Variants in THEMIS observed in about 807,000 individuals in gnomAD.
THEMIS encodes the protein thymocyte selection associated.
Under a neutral mutation model 52.6 loss-of-function variants are expected in THEMIS, and 37 were observed. That is an observed-to-expected ratio of 0.70 (90% CI 0.54 to 0.93). THEMIS has a LOEUF of 0.93. Among genes scored for constraint, THEMIS ranks in the 40% least tolerant of loss-of-function variants. The probability of loss-of-function intolerance (pLI) is 0.00; values close to 1 mark genes in which losing one functional copy is unlikely to be tolerated. For missense variants in THEMIS, 808 were observed against 763.1 expected (o/e 1.06, Z -0.69); for synonymous variants, 292 against 272.7 (o/e 1.07, Z -0.70).
At chr6:127,794,756 A>C (rs1461506551) in intron 4 of THEMIS, among the ~76,000 whole-genome samples, 4 of 152,166 alleles carry the variant, frequency 2.6e-5, no homozygotes, top group Non-Finnish European at 4.4e-5. Context: ...ATATTCTTTC[A>C]AAAATTATTC....
intron 4 of THEMIS, among the ~76,000 whole-genome samples, chr6:127,737,402 C>T (rs567664443): frequency 2.0e-5 from 3 of 152,150 alleles, no homozygotes; most frequent in Non-Finnish European, 4.4e-5. Context: ...TCTTGATGCT[C>T]AGGACTCCAA....
chr6:127,699,632 C>T, the THEMIS span, among the ~76,000 whole-genome samples: 1 of 151,472 alleles, frequency 6.6e-6, no homozygotes, highest in Non-Finnish European at 1.5e-5. Flanking sequence ...CCGAACTGTA[C>T]ATGATTAATT....
intron 3 of THEMIS, among the ~76,000 whole-genome samples, chr6:127,823,201 A>G (rs984415865): frequency 6.6e-6 from 1 of 152,122 alleles, no homozygotes; most frequent in Admixed American, 6.5e-5. Context: ...ACTGCAGCCT[A>G]AAGGAACAAA....
chr6:127,837,455 C>T (rs1004111186), intron 2 of THEMIS, among the ~76,000 whole-genome samples: 5 of 151,976 alleles, frequency 3.3e-5, no homozygotes, highest in African/African-American at 9.7e-5. Flanking sequence ...TTTATTTGAT[C>T]CTCTGAAGAA....
At chr6:127,722,019 A>G (rs1039616868) in intron 4 of THEMIS, among the ~76,000 whole-genome samples, 2 of 152,070 alleles carry the variant, frequency 1.3e-5, no homozygotes, top group Admixed American at 6.6e-5. Flanking sequence ...TGTTGTGAAA[A>G]CCTGAGAGAG....
intron 4 of THEMIS, among the ~76,000 whole-genome samples, chr6:127,731,363 A>T (rs1294393323): frequency 6.6e-6 from 1 of 152,174 alleles, no homozygotes; most frequent in Non-Finnish European, 1.5e-5. Flanking sequence ...ATAATCACGT[A>T]AATATAATAA....
At chr6:127,879,954 T>TC (rs1780429903) in intron 1 of THEMIS, among the ~76,000 whole-genome samples, 1 of 152,032 alleles carries the variant, frequency 6.6e-6, no homozygotes, top group Non-Finnish European at 1.5e-5. Flanking sequence ...CCCAGACTCC[T>TC]CCCCCGGGTG....
At chr6:127,792,000 C>A (rs1407024607) in intron 4 of THEMIS, among the ~76,000 whole-genome samples, 1 of 152,156 alleles carries the variant, frequency 6.6e-6, no homozygotes, top group Non-Finnish European at 1.5e-5. Context: ...ATGCCTGAGT[C>A]CACAGCTGGC....
At chr6:127,842,873 T>C (rs1779095938) in intron 2 of THEMIS, among the ~76,000 whole-genome samples, 1 of 151,936 alleles carries the variant, frequency 6.6e-6, no homozygotes, top group South Asian at 2.1e-4. Flanking sequence ...AAAGACAACC[T>C]CTGAGACATG....
At chr6:127,792,181 C>T (rs1459568215) in intron 4 of THEMIS, among the ~76,000 whole-genome samples, 2 of 152,166 alleles carry the variant, frequency 1.3e-5, no homozygotes, top group African/African-American at 4.8e-5. Flanking sequence ...GGTGGGCCGC[C>T]GCTGCCATCA....
chr6:127,775,675 C>CA (rs909338458), intron 4 of THEMIS, among the ~76,000 whole-genome samples: 8 of 151,000 alleles, frequency 5.3e-5, no homozygotes, highest in South Asian at 2.1e-4. Flanking sequence ...CCACCCCTGG[C>CA]AAAAAACGAT....
chr6:127,892,598 G>A (rs1350018835), intron 1 of THEMIS, among the ~76,000 whole-genome samples: 3 of 152,002 alleles, frequency 2.0e-5, no homozygotes, highest in Admixed American at 6.6e-5. Context: ...TTCTAGGCTC[G>A]CTTAACATTT....
chr6:127,702,968 C>A, the THEMIS span, among the ~76,000 whole-genome samples: 117 of 147,626 alleles, frequency 7.9e-4, 2 homozygotes, highest in African/African-American at 2.9e-3. Context: ...ACAGCCAAAC[C>A]ATATTTATCA....
intron 3 of THEMIS, among the ~76,000 whole-genome samples, chr6:127,821,094 GATTTAT>G (rs1418326289): frequency 9.2e-5 from 14 of 151,466 alleles, no homozygotes; most frequent in Non-Finnish European, 1.8e-4. Flanking sequence ...ATCTTTTATA[GATTTAT>G]AAAATTTTAG....
chr6:127,911,144 A>G lies in THEMIS; in HGVS notation c.-150+7284T>C, dbSNP rs1179356263. Among the ~76,000 whole-genome samples, 5 of 151,308 alleles carry G rather than the reference A, an allele frequency of 3.3e-5. No individual in the cohort carries two copies. The East Asian group carries it at 9.6e-4, about 29-fold the overall frequency. The stretch of plus-strand genomic sequence containing the variant: ...ACATAATCTATCACTGATAATGTTA[A>G]CTTTATCTGACTAAGGTAGTGTTTG... On this transcript the variant is annotated intron_variant, in intron 1 of 6. Transcript: ENST00000368250.
At chr6:127,847,584 C>T (rs941568785) in intron 2 of THEMIS, among the ~76,000 whole-genome samples, 1 of 151,744 alleles carries the variant, frequency 6.6e-6, no homozygotes, top group East Asian at 1.9e-4. Flanking sequence ...TATATTTTAA[C>T]CAAGGAGGTG....
At chr6:127,799,537 TTCTTTCTTTCTTTCTA>T (rs1217372673) in intron 4 of THEMIS, among the ~76,000 whole-genome samples, 7 of 125,860 alleles carry the variant, frequency 5.6e-5, no homozygotes, top group African/African-American at 1.8e-4. Context: ...TTCTCTTTCT[TTCTTTCTTTCTTTCTA>T]TCTTTCTTTC....
At chr6:127,769,496 A>G (rs188636258) in intron 4 of THEMIS, among the ~76,000 whole-genome samples, 1 of 152,204 alleles carries the variant, frequency 6.6e-6, no homozygotes, top group Admixed American at 6.5e-5. Context: ...AGACGAAGCA[A>G]CACGCTGAAA....
At chr6:127,760,646 T>C (rs1775990210) in intron 4 of THEMIS, among the ~76,000 whole-genome samples, 1 of 152,006 alleles carries the variant, frequency 6.6e-6, no homozygotes, top group South Asian at 2.1e-4. Flanking sequence ...TAGCCAGGCA[T>C]GGTGGTGCAT....
Sources: gnomAD v4.1 joint callset for allele counts (sites outside exome capture counted in the v4.1 genomes callset) on GRCh38, gnomAD v4.1.1 for gene constraint, MANE v1.5 for transcripts, NCBI Gene and HGNC (gene_info 2026-07-23, HGNC 2026-07-21) for gene names.